Variants in ZNF385B observed in about 807,000 individuals in gnomAD.
The protein encoded by ZNF385B is zinc finger protein 385B.
A neutral mutation model predicts 39.2 loss-of-function variants in ZNF385B; 23 were observed. The ratio of observed to expected loss-of-function variants is 0.59; its 90% CI spans 0.42 to 0.83. The LOEUF is 0.83. Among genes scored for constraint, ZNF385B ranks in the 40% least tolerant of loss-of-function variants. The pLI is 0.00. For synonymous variants in ZNF385B, 205 were observed against 222.6 expected, an observed-to-expected ratio of 0.92 and a Z score of 0.70; for missense variants, 552 against 598.9, an observed-to-expected ratio of 0.92 and a Z score of 0.82.
At chr2:179,671,088 G>A (rs1695930354) in intron 3 of ZNF385B, among the ~76,000 whole-genome samples, 1 of 152,216 alleles carries the variant, frequency 6.6e-6, no homozygotes, top group Non-Finnish European at 1.5e-5. Context: ...AATGCTTGGT[G>A]AATATTAGCT....
At chr2:179,637,823 A>G (rs1691897523) in intron 3 of ZNF385B, among the ~76,000 whole-genome samples, 1 of 152,238 alleles carries the variant, frequency 6.6e-6, no homozygotes, top group African/African-American at 2.4e-5. Flanking sequence ...TATGCTTGAA[A>G]AAACTCTTGA....
At chr2:179,543,544 C>G (rs2060048360) in intron 4 of ZNF385B, among the ~76,000 whole-genome samples, 1 of 152,144 alleles carries the variant, frequency 6.6e-6, no homozygotes, top group Non-Finnish European at 1.5e-5. Flanking sequence ...AGTTTGCATT[C>G]TTTGAAATGG....
At chr2:179,725,426 C>A (rs188753072) in intron 3 of ZNF385B, among the ~76,000 whole-genome samples, 1 of 151,636 alleles carries the variant, frequency 6.6e-6, no homozygotes, top group Non-Finnish European at 1.5e-5. Context: ...AAAACACATA[C>A]GTGCATGTAT....
rs541535393 is a variant in ZNF385B, at chr2:179,459,811, A to G, written c.716-13041T>C. 1.2e-4 allele frequency among the ~76,000 whole-genome samples: 18 copies of G among 151,006 alleles called. No homozygotes were observed. In the East Asian group the frequency reaches 3.5e-3, roughly 29 times the overall value. ...TATATATAAATTATATATGTAAAAA[A>G]TATATATAGCGGCCAGGCGTGGTGG... On this transcript the variant is annotated intron_variant, in intron 6 of 9. Coordinates refer to ENST00000410066, the MANE Select transcript of ZNF385B (RefSeq NM_152520.6).
At chr2:179,501,322 C>T (rs1379505628) in intron 5 of ZNF385B, among the ~76,000 whole-genome samples, 1 of 152,036 alleles carries the variant, frequency 6.6e-6, no homozygotes, top group Non-Finnish European at 1.5e-5. Context: ...ACAATAGCTA[C>T]GATTTGGGAG....
chr2:179,527,043 T>C (rs1449935908), intron 4 of ZNF385B, among the ~76,000 whole-genome samples: 1 of 152,204 alleles, frequency 6.6e-6, no homozygotes, highest in South Asian at 2.1e-4. Context: ...TTACATTACA[T>C]CTAAGTCCTG....
intron 1 of ZNF385B, among the ~76,000 whole-genome samples, chr2:179,787,548 A>G (rs546163895): frequency 6.6e-6 from 1 of 152,198 alleles, no homozygotes; most frequent in Non-Finnish European, 1.5e-5. Context: ...GGCTGTGGCC[A>G]CTATTGGGTA....
At chr2:179,537,303 C>CAAAAAAAAAA (rs34677912) in intron 4 of ZNF385B, among the ~76,000 whole-genome samples, 1 of 103,696 alleles carries the variant, frequency 9.6e-6, no homozygotes, top group Non-Finnish European at 1.9e-5. Flanking sequence ...ACCTCTGTCT[C>CAAAAAAAAAA]AAAAAAAAAA....
In ZNF385B at chr2:179,517,270, C is replaced by T. The variant is rs560039693; in HGVS notation, c.552+1258G>A. Among the ~76,000 whole-genome samples, 121 of 151,784 alleles carry T rather than the reference C, an allele frequency of 8.0e-4. 1 individual carries two copies. The highest frequency in any genetic ancestry group is 1.4e-3 in the Non-Finnish European group (96 of 67,804). On this transcript the variant is annotated intron_variant, in intron 5 of 9. Transcript: ENST00000410066. Reference sequence around the variant, plus strand: ...ATTTAAGAAACAGCTTGCCATTTTCCATAATAAAAAAACATTTTGAGATTT... The same window carrying T: ...ATTTAAGAAACAGCTTGCCATTTTCTATAATAAAAAAACATTTTGAGATTT...
chr2:179,557,541 T>C (rs540147234), intron 3 of ZNF385B, among the ~76,000 whole-genome samples: 1 of 121,816 alleles, frequency 8.2e-6, no homozygotes. Context: ...TATATACATG[T>C]ATATAACATA....
chr2:179,822,319 C>G (rs1331683738), intron 1 of ZNF385B, among the ~76,000 whole-genome samples: 1 of 152,104 alleles, frequency 6.6e-6, no homozygotes, highest in Non-Finnish European at 1.5e-5. Context: ...TCACTTCACC[C>G]AAAACTAGCT....
intron 3 of ZNF385B, among the ~76,000 whole-genome samples, chr2:179,717,787 C>T (rs931501777): frequency 3.3e-5 from 5 of 152,128 alleles, no homozygotes; most frequent in Non-Finnish European, 7.4e-5. Context: ...GAGTTGTTTC[C>T]TACCTCTCAT....
rs147951751 is a variant in ZNF385B, at chr2:179,804,201, A to G, written c.-154-33529T>C. Among the ~76,000 whole-genome samples the G allele has an allele frequency of 4.9e-4, 75 of 152,266 alleles. 1 individual carries two copies. Among genetic ancestry groups the G allele is most frequent in the African/African-American group, 1.7e-3 (70 of 41,548 alleles). On this transcript the variant is annotated intron_variant, in intron 1 of 9. Transcript: ENST00000410066. ...TATTGCTGGGCTGAGCTTTCTCACA[A>G]ATACCACCTTCAGCATTACCAGAAG... is the stretch of plus-strand genomic sequence containing the variant.
intron 3 of ZNF385B, among the ~76,000 whole-genome samples, chr2:179,589,148 GA>G (rs1195789073): frequency 6.6e-6 from 1 of 152,178 alleles, no homozygotes; most frequent in African/African-American, 2.4e-5. Flanking sequence ...AAGAATTAAG[GA>G]AGGTATGTCA....
At chr2:179,766,026 T>C (rs192968852) in intron 3 of ZNF385B, among the ~76,000 whole-genome samples, 603 of 54,924 alleles carry the variant, frequency 0.011, 14 homozygotes, top group Admixed American at 0.073. Flanking sequence ...CTTTGGTACA[T>C]TGATCACACA....
chr2:179,547,192 T>C (rs1395275447), intron 3 of ZNF385B, among the ~76,000 whole-genome samples: 3 of 149,548 alleles, frequency 2.0e-5, no homozygotes, highest in Non-Finnish European at 4.4e-5. Context: ...GTTGACTGTT[T>C]TCATTGCTGT....
chr2:179,518,721 T>C (rs2058271534), intron 4 of ZNF385B, 83 bp from the exon 5 acceptor site: 1 of 781,268 alleles, frequency 1.3e-6, no homozygotes, highest in Admixed American at 2.9e-5. Flanking sequence ...GTTGAAATAT[T>C]CCATAAAGTT....
chr2:179,624,305 A>G (rs939251614), intron 3 of ZNF385B, among the ~76,000 whole-genome samples: 2 of 151,856 alleles, frequency 1.3e-5, no homozygotes, highest in Non-Finnish European at 2.9e-5. Flanking sequence ...CCCCACCATC[A>G]CCCGCATTTT....
At chr2:179,646,557 T>C (rs1417010496) in intron 3 of ZNF385B, among the ~76,000 whole-genome samples, 1 of 152,234 alleles carries the variant, frequency 6.6e-6, no homozygotes, top group African/African-American at 2.4e-5. Flanking sequence ...GAGCTCCTGC[T>C]GACAGCCTGA....
Sources: allele counts gnomAD v4.1 joint callset (sites outside exome capture counted in the v4.1 genomes callset), GRCh38; gene constraint gnomAD v4.1.1; transcripts MANE v1.5; gene names NCBI Gene and HGNC (gene_info 2026-07-23, HGNC 2026-07-21).